Variants in CNTN4 observed in about 807,000 individuals in gnomAD.
CNTN4 encodes contactin 4.
A neutral mutation model predicts 122.5 loss-of-function variants in CNTN4; 77 were observed. That is an observed-to-expected ratio of 0.63 (90% confidence interval 0.52 to 0.76). The LOEUF (loss-of-function observed/expected upper bound fraction) is 0.76, where lower values mean the gene tolerates loss of function less well. Ranked by LOEUF, CNTN4 falls within the 30% of genes least tolerant of loss-of-function variation. The pLI is 0.00. For missense variants in CNTN4, 1,256 were observed against 1,259.1 expected, an observed-to-expected ratio of 1.00 and a Z score of 0.04; for synonymous variants, 512 against 447.0, an observed-to-expected ratio of 1.15 and a Z score of -1.83.
chr3:2,220,613 C>T (rs936430518), intron 2 of CNTN4, among the ~76,000 whole-genome samples: 4 of 152,032 alleles, frequency 2.6e-5, no homozygotes, highest in South Asian at 2.1e-4. Context: ...TTTAGCCTTG[C>T]GTTATCAAAT....
At chr3:2,562,543 C>A (rs749233264) in intron 3 of CNTN4, among the ~76,000 whole-genome samples, 1 of 152,112 alleles carries the variant, frequency 6.6e-6, no homozygotes, top group African/African-American at 2.4e-5. Context: ...ATCCATCTTC[C>A]TGCAAAGAAC....
At chr3:2,844,867 G>A (rs908037377) in intron 7 of CNTN4, among the ~76,000 whole-genome samples, 11 of 152,228 alleles carry the variant, frequency 7.2e-5, no homozygotes, top group Admixed American at 1.3e-4. Context: ...CATTCCTTCC[G>A]TAATGCATAA....
intron 2 of CNTN4, among the ~76,000 whole-genome samples, chr3:2,237,678 C>T (rs2039738386): frequency 6.6e-6 from 1 of 151,398 alleles, no homozygotes; most frequent in South Asian, 2.1e-4. Context: ...TATTTCTGGT[C>T]TAAAAATTTG....
chr3:2,323,423 T>C (rs1027809620), intron 2 of CNTN4, among the ~76,000 whole-genome samples: 3 of 152,126 alleles, frequency 2.0e-5, no homozygotes, highest in Non-Finnish European at 4.4e-5. Context: ...GTCCCTTAAA[T>C]TGTCATGCTG....
chr3:2,551,735 C>A (rs35939487), intron 3 of CNTN4, among the ~76,000 whole-genome samples: 1 of 152,004 alleles, frequency 6.6e-6, no homozygotes, highest in Non-Finnish European at 1.5e-5. Context: ...TGTTTATCAT[C>A]AATGCTTTTA....
At chr3:2,634,414 C>T (rs1342026390) in intron 4 of CNTN4, among the ~76,000 whole-genome samples, 1 of 151,980 alleles carries the variant, frequency 6.6e-6, no homozygotes, top group African/African-American at 2.4e-5. Flanking sequence ...AGAACTTATT[C>T]AATGCTATAA....
chr3:2,669,318 G>C (rs982320758), intron 4 of CNTN4, among the ~76,000 whole-genome samples: 1 of 152,156 alleles, frequency 6.6e-6, no homozygotes, highest in Admixed American at 6.5e-5. Flanking sequence ...GTTTAGTCTT[G>C]GGAGGGTGTA....
intron 6 of CNTN4, among the ~76,000 whole-genome samples, chr3:2,758,921 G>GA (rs1318738406): frequency 6.6e-6 from 1 of 152,040 alleles, no homozygotes; most frequent in South Asian, 2.1e-4. Flanking sequence ...TTGTACAACT[G>GA]TCACCACTGT....
At chr3:2,627,697 G>T (rs1014365577) in intron 4 of CNTN4, among the ~76,000 whole-genome samples, 1 of 151,904 alleles carries the variant, frequency 6.6e-6, no homozygotes, top group East Asian at 1.9e-4. Context: ...GTTTCACCGT[G>T]TTAGCCAGGA....
intron 23 of CNTN4, among the ~76,000 whole-genome samples, chr3:3,052,092 G>C (rs538701871): frequency 2.0e-5 from 3 of 152,118 alleles, no homozygotes; most frequent in Admixed American, 1.3e-4. Context: ...TGAGAACTAC[G>C]CGTCTAATTC....
chr3:2,539,780 A>G (rs1038950533), intron 3 of CNTN4, among the ~76,000 whole-genome samples: 3 of 152,142 alleles, frequency 2.0e-5, no homozygotes, highest in African/African-American at 7.2e-5. Flanking sequence ...TTCAAAGACA[A>G]TATAGAATCT....
intron 4 of CNTN4, among the ~76,000 whole-genome samples, chr3:2,697,963 A>G (rs1418398314): frequency 2.6e-5 from 4 of 152,174 alleles, no homozygotes; most frequent in African/African-American, 9.7e-5. Flanking sequence ...ACTGATTTAA[A>G]TGTTACTCAC....
rs185335902 is a variant in CNTN4, at chr3:2,306,661, C to T, written c.-144-32517C>T. Among the ~76,000 whole-genome samples, 18 of 152,084 alleles carry T rather than the reference C, an allele frequency of 1.2e-4. No homozygotes were observed. In the East Asian group the frequency reaches 3.3e-3, roughly 28 times the overall value. ...CTTTATAATTTCTGCAATACAACAA[C>T]CTTAAACTTTTACAAGGATTACATA... On this transcript the variant is annotated intron_variant, in intron 2 of 24. Coordinates refer to ENST00000418658, the MANE Select transcript of CNTN4 (RefSeq NM_175607.3).
At chr3:2,505,746 G>T (rs1363679022) in intron 3 of CNTN4, among the ~76,000 whole-genome samples, 1 of 152,168 alleles carries the variant, frequency 6.6e-6, no homozygotes, top group African/African-American at 2.4e-5. Context: ...ATAGATAAAA[G>T]AAGGTAGAAA....
chr3:2,854,799 A>G (rs1420405578), intron 7 of CNTN4, among the ~76,000 whole-genome samples: 1 of 152,214 alleles, frequency 6.6e-6, no homozygotes, highest in Non-Finnish European at 1.5e-5. Context: ...AAGAAAGTAA[A>G]TAATTAGAGT....
intron 2 of CNTN4, among the ~76,000 whole-genome samples, chr3:2,271,371 G>A (rs374632529): frequency 7.2e-5 from 11 of 152,060 alleles, no homozygotes; most frequent in African/African-American, 2.7e-4. Context: ...CAAATTTTGT[G>A]AATGTGCTTA....
intron 2 of CNTN4, among the ~76,000 whole-genome samples, chr3:2,147,103 T>A (rs998149779): frequency 6.6e-6 from 1 of 152,088 alleles, no homozygotes; most frequent in Non-Finnish European, 1.5e-5. Context: ...ATGGTCTTGA[T>A]CTCTTGACCT....
chr3:2,383,586 A>G (rs1040815998), intron 3 of CNTN4, among the ~76,000 whole-genome samples: 11 of 151,858 alleles, frequency 7.2e-5, no homozygotes, highest in African/African-American at 2.4e-4. Flanking sequence ...TAACGACAGC[A>G]CTATTTTCTC....
At chr3:2,381,038 G>C (rs1369353041) in intron 3 of CNTN4, among the ~76,000 whole-genome samples, 1 of 150,622 alleles carries the variant, frequency 6.6e-6, no homozygotes, top group East Asian at 2.0e-4. Context: ...CAGAGTCTTG[G>C]TCAGTCGCCC....
Sources: gnomAD v4.1 joint callset for allele counts (sites outside exome capture counted in the v4.1 genomes callset) on GRCh38, gnomAD v4.1.1 for gene constraint, MANE v1.5 for transcripts, NCBI Gene and HGNC (gene_info 2026-07-23, HGNC 2026-07-21) for gene names.